SLFN5: variants seen among roughly 807,000 people sequenced by gnomAD.
The protein encoded by SLFN5 is schlafen family member 5.
Under a neutral mutation model 48.5 loss-of-function variants are expected in SLFN5, and 34 were observed. The observed-to-expected ratio is 0.70, with a 90% CI of 0.53 to 0.93. SLFN5 has a LOEUF of 0.93. Among genes scored for constraint, SLFN5 ranks in the 40% least tolerant of loss-of-function variants. SLFN5 has a pLI of 0.00. For synonymous variants in SLFN5, 387 were observed against 396.2 expected (o/e 0.98, Z 0.28); for missense variants, 1,006 against 1,071.3 (o/e 0.94, Z 0.85).
At chr17:35,255,491 G>A (rs1038341003) in intron 1 of SLFN5, among the ~76,000 whole-genome samples, 7 of 152,162 alleles carry the variant, frequency 4.6e-5, no homozygotes, top group Non-Finnish European at 7.3e-5. Context: ...GTGTTTTAGC[G>A]GAATCTAATC....
In SLFN5 at chr17:35,264,427, G is replaced by A. The variant is rs750424901; in HGVS notation, c.1383G>A (p.Ala461=). 1.3e-5 allele frequency: 21 copies of A among 1,614,168 alleles called. No homozygotes were observed. Among genetic ancestry groups the A allele is most frequent in the Admixed American group, 1.0e-4 (6 of 60,020 alleles). Residue 461 remains alanine, a synonymous_variant, in exon 4 of 5, where the codon GCG becomes GCA. Coordinates refer to ENST00000299977, the MANE Select transcript of SLFN5 (RefSeq NM_144975.4). ...ACACCATCTTCAGCAAGTGGGATGCGGGGTGCAAGGGCTATTCTATGATAG... is the reference window on the plus strand; with the variant it reads ...ACACCATCTTCAGCAAGTGGGATGCAGGGTGCAAGGGCTATTCTATGATAG... The part of the protein sequence containing the change: ...ILYTIFSKWD[A]GCKGYSMIVA...
At chr17:35,259,963 G>C (rs1024121837) in intron 2 of SLFN5, 11 of 442,212 alleles carry the variant, frequency 2.5e-5, no homozygotes, top group Non-Finnish European at 4.4e-5. Context: ...GGGGCTGTTT[G>C]ACCTAGTTAT....
chr17:35,257,415 T>C (rs1904379858), intron 1 of SLFN5, among the ~76,000 whole-genome samples: 1 of 152,228 alleles, frequency 6.6e-6, no homozygotes, highest in South Asian at 2.1e-4. Context: ...TGGCAATTCT[T>C]GGCAGCCGGA....
In SLFN5 at chr17:35,265,671, A is replaced by C. The variant is rs769386336; in HGVS notation, c.2459A>C (p.His820Pro). Residue 820 changes from histidine to proline, a missense_variant, in exon 5 of 5, where the codon CAT becomes CCT. By Grantham distance (77) the His-to-Pro change is moderately conservative. Transcript: ENST00000299977. ...AGGAAGAGAAAACTGTCTCAGCTCC[A>C]TGAGGAGTCTGATCTGTTACTACAG... ...AMRKRKLSQL[H>P]EESDLLLQIG... The C allele has an allele frequency of 6.2e-7, 1 of 1,614,214 alleles. No homozygotes were observed. The highest frequency in any genetic ancestry group is 8.5e-7 in the Non-Finnish European group (1 of 1,180,004).
intron 1 of SLFN5, among the ~76,000 whole-genome samples, chr17:35,252,343 A>T (rs748759900): frequency 2.0e-5 from 3 of 152,132 alleles, no homozygotes; most frequent in Non-Finnish European, 2.9e-5. Flanking sequence ...AGGCAGGAGG[A>T]TAGCTTGAGC....
intron 1 of SLFN5, among the ~76,000 whole-genome samples, chr17:35,256,874 G>T (rs986687827): frequency 6.6e-6 from 1 of 152,186 alleles, no homozygotes; most frequent in East Asian, 1.9e-4. Flanking sequence ...ACTGTGGCCT[G>T]TTAGGAACCA....
intron 1 of SLFN5, among the ~76,000 whole-genome samples, chr17:35,250,686 A>G (rs1178883065): frequency 6.6e-6 from 1 of 151,748 alleles, no homozygotes. Flanking sequence ...GTTAAAAGAC[A>G]TAAATTTCCC....
At position 35,265,323 on chromosome 17, in the gene SLFN5, CAAGAG is replaced by C. The variant is rs779435227; in HGVS notation, c.2118_2122del (p.Glu706AspfsTer13). The C allele has an allele frequency of 6.2e-7, 1 of 1,614,074 alleles. No individual in the cohort carries two copies. Among genetic ancestry groups the C allele is most frequent in the South Asian group, 1.1e-5 (1 of 91,062 alleles). On this transcript the variant is annotated frameshift_variant, in exon 5 of 5. Transcript: ENST00000299977. LOFTEE classifies it low-confidence loss of function (END_TRUNC). The stretch of plus-strand genomic sequence containing the variant: ...CTCCCCCCTCCCTCAGACCAGTATC[CAAGAG>C]AAGAGATCAACAGAGTGGTCCGCAA...
chr17:35,259,512 A>G lies in SLFN5; in HGVS notation c.822A>G (p.Ile274Met). The G allele has an allele frequency of 6.2e-7, 1 of 1,614,198 alleles. No individual in the cohort carries two copies. The highest frequency in any genetic ancestry group is 8.5e-7 in the Non-Finnish European group (1 of 1,180,034). Residue 274 changes from isoleucine (I) to methionine (M), a missense_variant, in exon 2 of 5, where the codon ATA becomes ATG. Ile to Met is a conservative substitution (Grantham distance 10). Coordinates refer to ENST00000299977, the MANE Select transcript of SLFN5 (RefSeq NM_144975.4). ...VHHFCTQRPE[I>M]KYVLNFLEVH... ...ATTTCTGCACACAGAGGCCTGAGAT[A>G]AAATATGTCCTTAACTTCCTTGAAG... is the stretch of plus-strand genomic sequence containing the variant.
Position 35,265,675 on chromosome 17 carries a change from G to A in SLFN5, c.2463G>A (p.Glu821=). 2 of 1,614,184 alleles carry A rather than the reference G, an allele frequency of 1.2e-6. No individual in the cohort carries two copies. Among genetic ancestry groups the A allele is most frequent in the Non-Finnish European group, 1.7e-6 (2 of 1,180,000 alleles). The change falls in exon 5 of 5, where the codon GAG becomes GAA. Residue 821 remains glutamate (E), a synonymous_variant. Coordinates refer to ENST00000299977, the MANE Select transcript of SLFN5 (RefSeq NM_144975.4). ...AGAGAAAACTGTCTCAGCTCCATGA[G>A]GAGTCTGATCTGTTACTACAGATCG... ...MRKRKLSQLH[E]ESDLLLQIGD...
chr17:35,259,311 T>C lies in SLFN5; in HGVS notation c.621T>C (p.Cys207=), dbSNP rs202068652. 1.9e-6 allele frequency: 3 copies of C among 1,614,166 alleles called. No individual in the cohort carries two copies. Among genetic ancestry groups the C allele is most frequent in the Non-Finnish European group, 2.5e-6 (3 of 1,180,038 alleles). The stretch of plus-strand genomic sequence containing the variant: ...TGTTCTCGACAGACGTGTCACACTG[T>C]GTTAAAGACAGACTTCCGAAGTGTG... ...FVMFSTDVSH[C]VKDRLPKCVS... The change falls in exon 2 of 5, where the codon TGT becomes TGC. Residue 207 remains cysteine, a synonymous_variant. Coordinates refer to ENST00000299977, the MANE Select transcript of SLFN5 (RefSeq NM_144975.4).
chr17:35,248,857 G>C (rs906264935), intron 1 of SLFN5, among the ~76,000 whole-genome samples: 1 of 152,086 alleles, frequency 6.6e-6, no homozygotes, highest in Non-Finnish European at 1.5e-5. Flanking sequence ...ACACATGTTG[G>C]TCAGAATCTC....
rs1904864206 is a variant in SLFN5, at chr17:35,272,800, A to G, written c.*6912A>G. The G allele has an allele frequency of 6.6e-6, 1 of 152,262 alleles. No homozygotes were observed. The highest frequency in any genetic ancestry group is 6.5e-5 in the Admixed American group (1 of 15,288). 9.4% of individuals were successfully genotyped at this position (152,262 alleles called of 1,614,324 possible). A position where few individuals can be genotyped will look rare whatever the true frequency, so the allele number is the denominator to read the frequency against. On this transcript the variant is annotated 3_prime_UTR_variant, in exon 5 of 5. Transcript: ENST00000299977. ...AAACATTACTCATGATAGCAGAAGTATCAATTGACAAAATTACTCAGATTG... is the reference window on the plus strand; with the variant it reads ...AAACATTACTCATGATAGCAGAAGTGTCAATTGACAAAATTACTCAGATTG...
At chr17:35,259,810 T>A in intron 2 of SLFN5, 108 bp downstream of exon 2, 1 of 1,327,366 alleles carries the variant, frequency 7.5e-7, no homozygotes, top group Non-Finnish European at 1.0e-6. Context: ...GGAAAGAGAT[T>A]TACTCTCTGA....
intron 1 of SLFN5, among the ~76,000 whole-genome samples, chr17:35,255,904 T>A (rs543147407): frequency 6.6e-6 from 1 of 152,326 alleles, no homozygotes; most frequent in South Asian, 2.1e-4. Context: ...TTCTATTATT[T>A]CCTTACTTTT....
intron 1 of SLFN5, among the ~76,000 whole-genome samples, chr17:35,251,106 G>A (rs1446296138): frequency 1.3e-5 from 2 of 152,160 alleles, no homozygotes; most frequent in African/African-American, 2.4e-5. Context: ...CCTGAAATCA[G>A]TTCTTCAACA....
At position 35,272,658 on chromosome 17, in the gene SLFN5, A is replaced by G. The variant is rs1904860662; in HGVS notation, c.*6770A>G. On this transcript the variant is annotated 3_prime_UTR_variant, in exon 5 of 5. Transcript: ENST00000299977. ...AAATAGTTAATTTCTTATTTTCAAA[A>G]AATAGCTTCTACAAATCGAAGAGAA... The G allele has an allele frequency of 6.6e-6, 1 of 152,248 alleles. No homozygotes were observed. The highest frequency in any genetic ancestry group is 1.5e-5 in the Non-Finnish European group (1 of 68,030). 9.4% of individuals were successfully genotyped at this position (152,248 alleles called of 1,614,324 possible).
At chr17:35,263,710 C>G (rs537854058) in intron 3 of SLFN5, among the ~76,000 whole-genome samples, 2 of 150,404 alleles carry the variant, frequency 1.3e-5, no homozygotes, top group Non-Finnish European at 2.9e-5. Flanking sequence ...TTGGTCCCAG[C>G]TACTTGGGAG....
In SLFN5 at chr17:35,256,141, C is replaced by T. The variant is rs893204849; in HGVS notation, c.-40-2510C>T. 6.6e-5 allele frequency among the ~76,000 whole-genome samples: 10 copies of T among 152,110 alleles called. No homozygotes were observed. In the East Asian group the frequency reaches 1.2e-3, roughly 18 times the overall value. On this transcript the variant is annotated intron_variant, in intron 1 of 4. Coordinates refer to ENST00000299977, the MANE Select transcript of SLFN5 (RefSeq NM_144975.4). ...TGGGAGGCCAAGGCGGGCAGATCAC[C>T]GGAGGTCAGGAGTTCAAGACCAGCC...
Sources: allele counts gnomAD v4.1 joint callset (sites outside exome capture counted in the v4.1 genomes callset), GRCh38; gene constraint gnomAD v4.1.1; transcripts MANE v1.5; gene names NCBI Gene and HGNC (gene_info 2026-07-23, HGNC 2026-07-21).